EPHB1: variants seen among roughly 807,000 people sequenced by gnomAD.
EPHB1 encodes the protein ephrin type-B receptor 1.
A neutral mutation model predicts 94.4 loss-of-function variants in EPHB1; 30 were observed. That is an observed-to-expected ratio of 0.32 (90% CI 0.24 to 0.43). EPHB1 has a LOEUF of 0.43. Among genes scored for constraint, EPHB1 ranks in the 20% least tolerant of loss-of-function variants. EPHB1 has a pLI of 1.00. For missense variants in EPHB1, 1,055 were observed against 1,308.3 expected, an observed-to-expected ratio of 0.81 and a Z score of 2.99; for synonymous variants, 522 against 489.1, an observed-to-expected ratio of 1.07 and a Z score of -0.89.
intron 3 of EPHB1, among the ~76,000 whole-genome samples, chr3:135,012,636 A>G (rs1935660280): frequency 6.6e-6 from 1 of 152,170 alleles, no homozygotes; most frequent in African/African-American, 2.4e-5. Context: ...TAGTTGGCAT[A>G]TTTCTTTCTT....
At chr3:135,219,506 C>A (rs1055716252) in intron 12 of EPHB1, among the ~76,000 whole-genome samples, 1 of 151,952 alleles carries the variant, frequency 6.6e-6, no homozygotes, top group Non-Finnish European at 1.5e-5. Flanking sequence ...TGGCAAACAC[C>A]AGAAACTAGA....
At chr3:135,212,932 T>G (rs1485750658) in intron 12 of EPHB1, among the ~76,000 whole-genome samples, 1 of 152,224 alleles carries the variant, frequency 6.6e-6, no homozygotes, top group East Asian at 1.9e-4. Flanking sequence ...ATCCCCCTAA[T>G]CAGCAGTTCT....
chr3:135,032,547 G>T (rs1358812526), intron 3 of EPHB1, among the ~76,000 whole-genome samples: 1 of 152,034 alleles, frequency 6.6e-6, no homozygotes, highest in Non-Finnish European at 1.5e-5. Context: ...TTAAAAAATT[G>T]TATCTGAGCA....
intron 3 of EPHB1, among the ~76,000 whole-genome samples, chr3:134,998,452 T>C (rs1216353504): frequency 1.3e-5 from 2 of 152,240 alleles, no homozygotes; most frequent in African/African-American, 4.8e-5. Context: ...TTTTTCTTCA[T>C]GCAATCTCTG....
At chr3:135,116,467 G>A (rs559400999) in intron 4 of EPHB1, among the ~76,000 whole-genome samples, 3 of 152,252 alleles carry the variant, frequency 2.0e-5, no homozygotes, top group Non-Finnish European at 4.4e-5. Flanking sequence ...AATGGCACCA[G>A]ATCCTGATTT....
intron 2 of EPHB1, among the ~76,000 whole-genome samples, chr3:134,947,002 G>A (rs765870959): frequency 2.0e-5 from 3 of 152,080 alleles, no homozygotes; most frequent in East Asian, 1.9e-4. Context: ...TTGCACCCCC[G>A]TGCTTGGCTC....
chr3:135,127,499 A>G (rs892387987), intron 4 of EPHB1, among the ~76,000 whole-genome samples: 3 of 152,186 alleles, frequency 2.0e-5, no homozygotes, highest in Non-Finnish European at 4.4e-5. Context: ...TCAGCAATGC[A>G]CAATGAGCTA....
At chr3:134,887,367 A>G (rs1032637823) in intron 1 of EPHB1, among the ~76,000 whole-genome samples, 1 of 152,226 alleles carries the variant, frequency 6.6e-6, no homozygotes, top group Non-Finnish European at 1.5e-5. Flanking sequence ...ACTTTCACAT[A>G]TGCTATTGGT....
intron 7 of EPHB1, 23 bp from the exon 8 acceptor site, chr3:135,165,945 T>A: frequency 6.3e-7 from 1 of 1,594,168 alleles, no homozygotes. Flanking sequence ...TGGGGAGGAT[T>A]CTAATGCCTC....
chr3:135,050,743 T>C (rs1937145155), intron 3 of EPHB1, among the ~76,000 whole-genome samples: 1 of 152,152 alleles, frequency 6.6e-6, no homozygotes, highest in Non-Finnish European at 1.5e-5. Context: ...TTTAAAAGAA[T>C]GTGGCACCTC....
intron 1 of EPHB1, among the ~76,000 whole-genome samples, chr3:134,809,803 T>G (rs2036134104): frequency 6.6e-6 from 1 of 152,220 alleles, no homozygotes; most frequent in Non-Finnish European, 1.5e-5. Flanking sequence ...GATAATCCAG[T>G]GGTTCCTGAA....
At chr3:135,158,854 G>A (rs190741208) in intron 6 of EPHB1, among the ~76,000 whole-genome samples, 41 of 152,272 alleles carry the variant, frequency 2.7e-4, no homozygotes, top group Non-Finnish European at 1.2e-4. Context: ...ATGGTTACTC[G>A]CTCTTCATAA....
intron 4 of EPHB1, among the ~76,000 whole-genome samples, chr3:135,128,595 G>A (rs1366111747): frequency 6.6e-6 from 1 of 152,158 alleles, no homozygotes; most frequent in Admixed American, 6.5e-5. Context: ...ACCCAGCATT[G>A]TTAGGAGGCC....
intron 1 of EPHB1, among the ~76,000 whole-genome samples, chr3:134,856,566 A>C (rs1188980045): frequency 6.6e-6 from 1 of 152,230 alleles, no homozygotes; most frequent in East Asian, 1.9e-4. Context: ...ACAAGAAATC[A>C]AACTGTAGAA....
intron 1 of EPHB1, among the ~76,000 whole-genome samples, chr3:134,841,807 A>G (rs2036783577): frequency 6.6e-6 from 1 of 152,236 alleles, no homozygotes; most frequent in Admixed American, 6.5e-5. Context: ...GGTGATTGGT[A>G]TAGTGTCTGG....
At chr3:135,166,324 GC>G in intron 8 of EPHB1, among the ~76,000 whole-genome samples, 1 of 152,158 alleles carries the variant, frequency 6.6e-6, no homozygotes, top group African/African-American at 2.4e-5. Flanking sequence ...AAGACTTTTA[GC>G]CCCCTCTTAC....
intron 1 of EPHB1, among the ~76,000 whole-genome samples, chr3:134,881,575 G>C (rs2037731028): frequency 6.6e-6 from 1 of 152,198 alleles, no homozygotes; most frequent in Non-Finnish European, 1.5e-5. Context: ...CAGCTGTAGA[G>C]CTGGGTTGAA....
intron 3 of EPHB1, among the ~76,000 whole-genome samples, chr3:135,051,666 G>A (rs1178165908): frequency 6.6e-6 from 1 of 152,196 alleles, no homozygotes; most frequent in Non-Finnish European, 1.5e-5. Context: ...GACTGCGTGG[G>A]TTTTGATGAG....
At chr3:134,906,593 C>T (rs1027734834) in intron 1 of EPHB1, among the ~76,000 whole-genome samples, 3 of 152,138 alleles carry the variant, frequency 2.0e-5, no homozygotes, top group African/African-American at 4.8e-5. Flanking sequence ...TATCATGGGC[C>T]AAATCCAGCC....
Sources: allele counts gnomAD v4.1 joint callset (sites outside exome capture counted in the v4.1 genomes callset), GRCh38; gene constraint gnomAD v4.1.1; transcripts MANE v1.5; gene names NCBI Gene and HGNC (gene_info 2026-07-23, HGNC 2026-07-21).